The following SENP7 variants were observed in gnomAD, a reference collection of about 807,000 sequenced individuals.
SENP7 encodes the protein SUMO specific peptidase 7.
In SENP7, 64 loss-of-function variants were observed where a neutral mutation model predicts 141.2. That is an observed-to-expected ratio of 0.45 (90% CI 0.37 to 0.56). The LOEUF (loss-of-function observed/expected upper bound fraction) is 0.56. Among genes scored for constraint, SENP7 ranks in the 20% least tolerant of loss-of-function variants. The probability of loss-of-function intolerance (pLI) is 0.00; values close to 1 mark genes in which losing one functional copy is unlikely to be tolerated. For missense variants in SENP7, 1,025 were observed against 1,212.2 expected (o/e 0.85, Z 2.29); for synonymous variants, 382 against 426.4 (o/e 0.90, Z 1.28).
chr3:101,454,691 A>G (rs952606496), intron 4 of SENP7, among the ~76,000 whole-genome samples: 1 of 152,230 alleles, frequency 6.6e-6, no homozygotes, highest in Non-Finnish European at 1.5e-5. Flanking sequence ...GATATATGCT[A>G]CAATATTAAT....
At chr3:101,499,726 G>A (rs2065300724) in intron 2 of SENP7, among the ~76,000 whole-genome samples, 1 of 151,994 alleles carries the variant, frequency 6.6e-6, no homozygotes, top group Non-Finnish European at 1.5e-5. Context: ...TAGTTGAGAT[G>A]GGGTTTCACC....
At chr3:101,431,587 CA>C (rs1448943501) in intron 4 of SENP7, among the ~76,000 whole-genome samples, 1 of 146,002 alleles carries the variant, frequency 6.8e-6, no homozygotes, top group Non-Finnish European at 1.5e-5. Flanking sequence ...AGATCGAGAC[CA>C]TCCTGGCCAA....
At chr3:101,430,168 C>A (rs1330915197) in intron 4 of SENP7, among the ~76,000 whole-genome samples, 1 of 152,014 alleles carries the variant, frequency 6.6e-6, no homozygotes, top group Non-Finnish European at 1.5e-5. Flanking sequence ...TGTGTCTCTG[C>A]CAGGTTTTGG....
At chr3:101,338,749 G>A (rs531249870) in intron 16 of SENP7, among the ~76,000 whole-genome samples, 7 of 152,268 alleles carry the variant, frequency 4.6e-5, no homozygotes, top group African/African-American at 1.7e-4. Context: ...GACCAAGAAT[G>A]GTGCCTGTTC....
At chr3:101,463,911 G>A (rs552827801) in intron 3 of SENP7, among the ~76,000 whole-genome samples, 4 of 152,122 alleles carry the variant, frequency 2.6e-5, no homozygotes, top group South Asian at 2.1e-4. Flanking sequence ...TGCAACCTCC[G>A]CCTCCCAGGT....
At chr3:101,493,628 AAT>A in intron 3 of SENP7, among the ~76,000 whole-genome samples, 2 of 56,268 alleles carry the variant, frequency 3.6e-5, no homozygotes, top group Non-Finnish European at 8.3e-5. Context: ...TTTATTTTAC[AAT>A]AATAAGATTT....
chr3:101,491,124 T>A (rs1282582903), intron 3 of SENP7, among the ~76,000 whole-genome samples: 1 of 137,634 alleles, frequency 7.3e-6, no homozygotes, highest in Non-Finnish European at 1.6e-5. Context: ...CTTCATTTTA[T>A]ACTTTTTTTT....
intron 6 of SENP7, among the ~76,000 whole-genome samples, chr3:101,392,389 G>A (rs1168348128): frequency 6.6e-6 from 1 of 151,976 alleles, no homozygotes; most frequent in Non-Finnish European, 1.5e-5. Flanking sequence ...AGAAAAATCA[G>A]TAGCATATAC....
At chr3:101,392,402 G>T (rs765149516) in intron 6 of SENP7, among the ~76,000 whole-genome samples, 9 of 151,982 alleles carry the variant, frequency 5.9e-5, no homozygotes, top group Non-Finnish European at 8.8e-5. Flanking sequence ...GCATATACCA[G>T]CAACGAACTA....
intron 3 of SENP7, among the ~76,000 whole-genome samples, chr3:101,471,893 A>G (rs1281179210): frequency 6.6e-6 from 1 of 152,258 alleles, no homozygotes; most frequent in East Asian, 1.9e-4. Flanking sequence ...CAACAGACAC[A>G]TGAAAAAACA....
chr3:101,376,636 G>T (rs952764414), intron 6 of SENP7, among the ~76,000 whole-genome samples: 27 of 152,004 alleles, frequency 1.8e-4, no homozygotes, highest in Non-Finnish European at 4.0e-4. Flanking sequence ...GACTGTTGTG[G>T]GGTGGGGGGA....
intron 6 of SENP7, among the ~76,000 whole-genome samples, chr3:101,393,531 A>C (rs1164462517): frequency 6.6e-6 from 1 of 152,224 alleles, no homozygotes; most frequent in Non-Finnish European, 1.5e-5. Flanking sequence ...AATGGGTAAC[A>C]GAATGAATAG....
At chr3:101,506,661 TTATCA>T (rs1354195689) in intron 1 of SENP7, among the ~76,000 whole-genome samples, 1 of 152,150 alleles carries the variant, frequency 6.6e-6, no homozygotes, top group African/African-American at 2.4e-5. Flanking sequence ...AATCTGATAA[TTATCA>T]TATAAGAGGC....
At position 101,467,610 on chromosome 3, in the gene SENP7, A is replaced by G. The variant is rs538151353; in HGVS notation, c.187-8558T>C. Among the ~76,000 whole-genome samples, 146 of 152,230 alleles carry G rather than the reference A, an allele frequency of 9.6e-4. 2 individuals carry two copies. The highest frequency in any genetic ancestry group is 5.8e-3 in the Admixed American group (89 of 15,288). ...GCAAACTCCAACAGACCTGCAGCTG[A>G]GGGACCTGACTGTTAGAAGGAAAAC... On this transcript the variant is annotated intron_variant, in intron 3 of 23. Transcript: ENST00000394095.
chr3:101,484,252 G>A (rs1226381914), intron 3 of SENP7, among the ~76,000 whole-genome samples: 3 of 152,084 alleles, frequency 2.0e-5, no homozygotes, highest in African/African-American at 7.2e-5. Flanking sequence ...AGAATGAGAA[G>A]GCAAGCCAAA....
rs760302626 is a variant in SENP7 at position 101,348,077 on chromosome 3, TA to T, written c.1658-27del. On this transcript the variant is annotated intron_variant, in intron 12 of 23. Transcript: ENST00000394095. The stretch of plus-strand genomic sequence containing the variant: ...CTGAAACAAATAAAAGACAACAATT[TA>T]AAAAATTAATCCATTTAAGAATACA... The T allele has an allele frequency of 1.7e-5, 25 of 1,499,750 alleles. No individual in the cohort carries two copies. The Admixed American group carries it at 1.9e-4, about 11-fold the overall frequency. 92.9% of individuals were successfully genotyped at this position (1,499,750 alleles called of 1,614,324 possible).
chr3:101,488,819 C>T (rs187725623), intron 3 of SENP7, among the ~76,000 whole-genome samples: 69 of 152,198 alleles, frequency 4.5e-4, no homozygotes, highest in Middle Eastern at 6.8e-3. Flanking sequence ...TCCAGCCTGG[C>T]GACAGAGAGA....
chr3:101,439,294 G>T (rs2062536523), intron 4 of SENP7, among the ~76,000 whole-genome samples: 1 of 96,972 alleles, frequency 1.0e-5, no homozygotes, highest in African/African-American at 3.9e-5. Context: ...CCCTCTGCCT[G>T]GCAACCACCC....
In SENP7 at chr3:101,325,673, T is replaced by C. The variant is rs2058881690; in HGVS notation, c.*270A>G. The C allele has an allele frequency of 5.3e-6, 1 of 187,458 alleles. No homozygotes were observed. Among genetic ancestry groups the C allele is most frequent in the African/African-American group, 2.3e-5 (1 of 42,722 alleles). 11.6% of individuals were successfully genotyped at this position (187,458 alleles called of 1,614,324 possible). A position where few individuals can be genotyped will look rare whatever the true frequency, so the allele number is the denominator to read the frequency against. ...CCATATTACATATGCTGTTGCATAA[T>C]CCAATCATATTTACTCAGAAAAATA... On this transcript the variant is annotated 3_prime_UTR_variant, in exon 24 of 24. Transcript: ENST00000394095.
Sources: allele counts gnomAD v4.1 joint callset (sites outside exome capture counted in the v4.1 genomes callset), GRCh38; gene constraint gnomAD v4.1.1; transcripts MANE v1.5; gene names NCBI Gene and HGNC (gene_info 2026-07-23, HGNC 2026-07-21).